ITSN2: variants seen among roughly 807,000 people sequenced by gnomAD.
The protein encoded by ITSN2 is intersectin-2.
A neutral mutation model predicts 243.7 loss-of-function variants in ITSN2; 156 were observed. That is an observed-to-expected ratio of 0.64 (90% CI 0.56 to 0.73). The LOEUF (loss-of-function observed/expected upper bound fraction) is 0.73. ITSN2 is among the 30% of genes least tolerant of loss of function. The pLI is 0.00. For synonymous variants in ITSN2, 703 were observed against 699.9 expected, an observed-to-expected ratio of 1.00 and a Z score of -0.07; for missense variants, 1,801 against 1,996.1, an observed-to-expected ratio of 0.90 and a Z score of 1.86.
intron 3 of ITSN2, among the ~76,000 whole-genome samples, chr2:24,314,013 G>A (rs1477487994): frequency 1.3e-5 from 2 of 152,140 alleles, no homozygotes; most frequent in African/African-American, 4.8e-5. Context: ...AACGAATCCG[G>A]TAACGTTTCC....
intron 25 of ITSN2, among the ~76,000 whole-genome samples, chr2:24,250,088 TAATCTTC>T (rs1220966982): frequency 6.6e-6 from 1 of 152,214 alleles, no homozygotes; most frequent in Non-Finnish European, 1.5e-5. Context: ...TATTAAATCT[TAATCTTC>T]AAGTCCATAC....
At chr2:24,294,549 G>C (rs1370950761) in intron 14 of ITSN2, among the ~76,000 whole-genome samples, 1 of 152,146 alleles carries the variant, frequency 6.6e-6, no homozygotes. Context: ...AAGAGAAATT[G>C]GGTAAGAGAA....
chr2:24,222,053 C>T (rs769719927), intron 29 of ITSN2, among the ~76,000 whole-genome samples: 1 of 152,062 alleles, frequency 6.6e-6, no homozygotes, highest in Non-Finnish European at 1.5e-5. Context: ...GAGATCGAGA[C>T]CATCCTGGCT....
At chr2:24,327,460 G>T (rs6731098) in intron 2 of ITSN2, among the ~76,000 whole-genome samples, 1 of 151,474 alleles carries the variant, frequency 6.6e-6, no homozygotes, top group Admixed American at 6.6e-5. Context: ...GACCACACTC[G>T]GCTAGTTTTT....
rs1685355567 is a variant in ITSN2, at chr2:24,328,092, T to A, written c.-10A>T. ...GAAACTGAGCCATCATGGTCCTGAGTTTTCCTTGCTAGCTCTCAGCCATCT... is the reference window on the plus strand; with the variant it reads ...GAAACTGAGCCATCATGGTCCTGAGATTTCCTTGCTAGCTCTCAGCCATCT... On this transcript the variant is annotated 5_prime_UTR_variant, in exon 2 of 40. Transcript: ENST00000355123. 6.2e-7 allele frequency: 1 copy of A among 1,613,756 alleles called. No individual in the cohort carries two copies. The highest frequency in any genetic ancestry group is 1.3e-5 in the African/African-American group (1 of 75,028).
chr2:24,296,912 G>A (rs1333616653), intron 13 of ITSN2, among the ~76,000 whole-genome samples: 14 of 152,164 alleles, frequency 9.2e-5, no homozygotes, highest in Non-Finnish European at 1.8e-4. Context: ...CATGGGATAC[G>A]TATAGGCTCT....
intron 2 of ITSN2, among the ~76,000 whole-genome samples, chr2:24,316,141 G>A (rs2702037): frequency 0.13 from 20,159 of 152,102 alleles, 1,912 homozygotes; most frequent in African/African-American, 0.27. Flanking sequence ...GCACTGAGCA[G>A]ACTAATAACT....
At chr2:24,343,487 T>C (rs1034477399) in intron 1 of ITSN2, among the ~76,000 whole-genome samples, 16 of 152,216 alleles carry the variant, frequency 1.1e-4, no homozygotes, top group South Asian at 4.1e-4. Context: ...CTAGAATGTT[T>C]CCCTTCATGT....
intron 30 of ITSN2, 68 bp from the exon 31 acceptor site, chr2:24,218,081 C>G: frequency 1.0e-6 from 1 of 963,756 alleles, no homozygotes; most frequent in Non-Finnish European, 1.7e-6. Flanking sequence ...TGGTCTAAAT[C>G]AAACAATGTC....
At chr2:24,261,414 T>C in intron 21 of ITSN2, 147 bp downstream of exon 21, 1 of 890,680 alleles carries the variant, frequency 1.1e-6, no homozygotes, top group African/African-American at 1.7e-5. Flanking sequence ...ACTTACTAAA[T>C]TTCAGTATTA....
At chr2:24,313,551 C>T (rs748357402) in intron 3 of ITSN2, 28 bp from the exon 4 acceptor site, 1 of 1,549,454 alleles carries the variant, frequency 6.5e-7, no homozygotes, top group Non-Finnish European at 8.9e-7. Context: ...AAAACCCAAG[C>T]AGCACATTAG....
chr2:24,358,230 T>C (rs1405707101), intron 1 of ITSN2, among the ~76,000 whole-genome samples: 2 of 152,196 alleles, frequency 1.3e-5, no homozygotes, highest in African/African-American at 4.8e-5. Context: ...CTTTTTTAAA[T>C]GTATGAACCA....
Position 24,210,782 on chromosome 2 carries a change from C to G in ITSN2, c.4255G>C (p.Glu1419Gln). 6.2e-7 allele frequency: 1 copy of G among 1,613,558 alleles called. No homozygotes were observed. The highest frequency in any genetic ancestry group is 1.1e-5 in the South Asian group (1 of 91,034). The change falls in exon 34 of 40, where the codon GAG (glutamate) becomes CAG (glutamine). Residue 1419 changes from glutamate (E) to glutamine (Q), a missense_variant and splice_region_variant. Physicochemically the swap from Glu to Gln is conservative, Grantham distance 29 (BLOSUM62 2). This residue lies in a region of ITSN2 where 928 missense variants were observed against 1,065.4 expected (regional missense o/e 0.87). Coordinates refer to ENST00000355123, the MANE Select transcript of ITSN2 (RefSeq NM_006277.3). ...CGGCTTAACCACACAGGCCTGACCT[C>G]CGCGAGGCCTTCACACTGCACGTGC... ...QAHVQCEGLA[E>Q]QLIFNSLTNC...
chr2:24,205,960 C>T (rs1270291847), intron 37 of ITSN2, among the ~76,000 whole-genome samples: 1 of 152,164 alleles, frequency 6.6e-6, no homozygotes, highest in Non-Finnish European at 1.5e-5. Flanking sequence ...GCAGGGTCAA[C>T]ATTTAAACAT....
At chr2:24,208,782 C>T (rs1220487821) in intron 36 of ITSN2, among the ~76,000 whole-genome samples, 2 of 152,194 alleles carry the variant, frequency 1.3e-5, no homozygotes, top group Admixed American at 6.5e-5. Flanking sequence ...AAGGAGGCCT[C>T]GGAAACCAGC....
intron 8 of ITSN2, among the ~76,000 whole-genome samples, chr2:24,306,583 C>G (rs188377909): frequency 5.5e-4 from 83 of 152,290 alleles, no homozygotes; most frequent in African/African-American, 2.0e-3. Context: ...AATATACTGT[C>G]ATTTATCTAT....
chr2:24,216,548 G>A (rs1459160088), intron 31 of ITSN2, among the ~76,000 whole-genome samples: 1 of 152,194 alleles, frequency 6.6e-6, no homozygotes, highest in Non-Finnish European at 1.5e-5. Flanking sequence ...TTGAGCCCAG[G>A]AGTTCGAGAC....
chr2:24,299,846 A>C, intron 12 of ITSN2, 63 bp downstream of exon 12: 1 of 1,375,604 alleles, frequency 7.3e-7, no homozygotes, highest in East Asian at 2.3e-5. Flanking sequence ...TTTTAATCAA[A>C]TGAAATATAG....
At chr2:24,294,255 G>A (rs578090860) in intron 14 of ITSN2, among the ~76,000 whole-genome samples, 8 of 152,232 alleles carry the variant, frequency 5.3e-5, no homozygotes, top group East Asian at 3.9e-4. Flanking sequence ...GTGAAACCCC[G>A]TCTCCACGAA....
Sources: allele counts gnomAD v4.1 joint callset (sites outside exome capture counted in the v4.1 genomes callset), GRCh38; gene constraint gnomAD v4.1.1; regional missense constraint gnomAD v4.1.1; transcripts MANE v1.5; gene names NCBI Gene and HGNC (gene_info 2026-07-23, HGNC 2026-07-21).